GDF9: variants seen among roughly 807,000 people sequenced by gnomAD.
GDF9 encodes growth/differentiation factor 9.
A neutral mutation model predicts 33.8 loss-of-function variants in GDF9; 30 were observed. The observed-to-expected ratio is 0.89, with a 90% CI of 0.66 to 1.20. The LOEUF is 1.20. GDF9 is among the 50% of genes most tolerant of loss of function. GDF9 has a pLI of 0.00. For synonymous variants in GDF9, 205 were observed against 200.7 expected, an observed-to-expected ratio of 1.02 and a Z score of -0.18; for missense variants, 556 against 543.7, an observed-to-expected ratio of 1.02 and a Z score of -0.22.
Position 132,861,921 on chromosome 5 carries a change from G to A in GDF9, c.1033C>T (p.Gln345Ter). 6.2e-7 allele frequency: 1 copy of A among 1,613,756 alleles called. No individual in the cohort carries two copies. Among genetic ancestry groups the A allele is most frequent in the Non-Finnish European group, 8.5e-7 (1 of 1,179,622 alleles). Residue 345 changes from glutamine to a stop codon, truncating the protein, a stop_gained, in exon 2 of 2, where the codon CAA becomes TAA. Transcript: ENST00000687138. LOFTEE classifies it high-confidence loss of function. Reference protein sequence around the residue: ...ASFNLSEYFRQFLLPQNECEL... With the variant: ...ASFNLSEYFR Reference sequence around the variant, plus strand: ...CACTCATTTTGGGGAAGAAGAAATTGTCTGAAGTATTCACTCAGATTGAAG... The same window carrying A: ...CACTCATTTTGGGGAAGAAGAAATTATCTGAAGTATTCACTCAGATTGAAG...
chr5:132,863,485 G>T (rs1030242220), intron 1 of GDF9, among the ~76,000 whole-genome samples: 4 of 151,510 alleles, frequency 2.6e-5, no homozygotes, highest in Non-Finnish European at 1.5e-5. Context: ...CTGTTGCCGG[G>T]CTGGAGAGCA....
chr5:132,864,429 A>G lies in GDF9; in HGVS notation c.105T>C (p.Ala35=), dbSNP rs1335654628. ...CCCCAGATTCCAACTCAGCACTAGC[A>G]GCAATCTGAGCTTCTCCCCCAGAAG... is the stretch of plus-strand genomic sequence containing the variant. The part of the protein sequence containing the change: ...SQASGGEAQI[A]ASAELESGAM... The change falls in exon 1 of 2, where the codon GCT becomes GCC. Residue 35 remains alanine, a synonymous_variant. Transcript: ENST00000687138. The G allele has an allele frequency of 6.2e-7, 1 of 1,613,908 alleles. No individual in the cohort carries two copies. The highest frequency in any genetic ancestry group is 8.5e-7 in the Non-Finnish European group (1 of 1,179,900).
chr5:132,863,847 G>C (rs1018513304), intron 1 of GDF9, among the ~76,000 whole-genome samples: 3 of 152,180 alleles, frequency 2.0e-5, no homozygotes, highest in African/African-American at 7.2e-5. Flanking sequence ...CAAAAGCTTG[G>C]TGGAACAGAA....
Position 132,866,435 on chromosome 5 carries a change from G to A in GDF9, c.-1902C>T, listed in dbSNP as rs1759607938. ...CTCCGCCTGTCCACTGTCCCCCAAA[G>A]TCAGTTCAATCCCCGACGTCCTCCG... is the stretch of plus-strand genomic sequence containing the variant. On this transcript the variant is annotated 5_prime_UTR_variant, in exon 1 of 2. Transcript: ENST00000687138. 1 of 213,648 alleles carries A rather than the reference G, an allele frequency of 4.7e-6. No individual in the cohort carries two copies. The highest frequency in any genetic ancestry group is 9.7e-6 in the Non-Finnish European group (1 of 103,354). The allele number at this position is 213,648 out of a possible 1,614,324, so 13.2% of individuals were successfully genotyped here.
chr5:132,862,164 T>C lies in GDF9; in HGVS notation c.790A>G (p.Ile264Val), dbSNP rs1478248649. The change falls in exon 2 of 2, where the codon ATC becomes GTC. Residue 264 changes from isoleucine (I) to valine (V), a missense_variant. Ile to Val is a conservative substitution (Grantham distance 29). Coordinates refer to ENST00000687138, the MANE Select transcript of GDF9 (RefSeq NM_005260.7). ...FNMTLVSPSL[I>V]LYLNDTSAQA... is the part of the protein sequence containing the mutation. Reference sequence around the variant, plus strand: ...GCACTTGTGTCATTCAAATATAAGATCAGTGAGGGGGACACCAGAGTCATG... The same window carrying C: ...GCACTTGTGTCATTCAAATATAAGACCAGTGAGGGGGACACCAGAGTCATG... 1 of 1,613,172 alleles carries C rather than the reference T, an allele frequency of 6.2e-7. No individual in the cohort carries two copies. Among genetic ancestry groups the C allele is most frequent in the East Asian group, 2.2e-5 (1 of 44,888 alleles).
At position 132,864,726 on chromosome 5, in the gene GDF9, T is replaced by G. The variant is rs778611566; in HGVS notation, c.-193A>C. On this transcript the variant is annotated 5_prime_UTR_variant, in exon 1 of 2. Transcript: ENST00000687138. ...ATATCAAGCAGCTGATAACACCTTA[T>G]TTAGCCAATTTGTTAATTAGATACA... 2 of 589,128 alleles carry G rather than the reference T, an allele frequency of 3.4e-6. No individual in the cohort carries two copies. Among genetic ancestry groups the G allele is most frequent in the Non-Finnish European group, 6.0e-6 (2 of 333,668 alleles). 36.5% of individuals were successfully genotyped at this position (589,128 alleles called of 1,614,324 possible).
At chr5:132,862,620 C>A in intron 1 of GDF9, 64 bp from the exon 2 acceptor site, 1 of 1,237,432 alleles carries the variant, frequency 8.1e-7, no homozygotes, top group South Asian at 1.2e-5. Context: ...GCAGTCAAGT[C>A]AAAGAATTAG....
chr5:132,862,689 A>T (rs1759352843), intron 1 of GDF9, 133 bp from the exon 2 acceptor site: 1 of 694,940 alleles, frequency 1.4e-6, no homozygotes. Context: ...CTCAAAAAAA[A>T]AAATGGGGGT....
At position 132,864,346 on chromosome 5, in the gene GDF9, G is replaced by T. The variant is rs754079138; in HGVS notation, c.188C>A (p.Pro63His). 1 of 1,614,084 alleles carries T rather than the reference G, an allele frequency of 6.2e-7. No homozygotes were observed. Among genetic ancestry groups the T allele is most frequent in the African/African-American group, 1.3e-5 (1 of 74,918 alleles). The stretch of plus-strand genomic sequence containing the variant: ...AACAGATAGAACTTTGAAAAGCGCG[G>T]GAAGGAGGCCAGCTCTGTCTCTCTC... ...IDERDRAGLLPALFKVLSVGR... is the reference protein window; with the variant it reads ...IDERDRAGLLHALFKVLSVGR... Residue 63 changes from proline to histidine, a missense_variant, in exon 1 of 2, where the codon CCC (proline) becomes CAC (histidine). By Grantham distance (77) the Pro-to-His change is moderately conservative. Coordinates refer to ENST00000687138, the MANE Select transcript of GDF9 (RefSeq NM_005260.7).
At chr5:132,862,651 C>G in intron 1 of GDF9, 95 bp from the exon 2 acceptor site, 1 of 928,356 alleles carries the variant, frequency 1.1e-6, no homozygotes, top group Non-Finnish European at 1.7e-6. Context: ...TATGCTTTCT[C>G]CCTTCTCTTT....
chr5:132,863,499 G>A (rs1273919708), intron 1 of GDF9, among the ~76,000 whole-genome samples: 3 of 151,368 alleles, frequency 2.0e-5, no homozygotes, highest in Admixed American at 2.0e-4. Flanking sequence ...GAGAGCAGTG[G>A]TGCGATCTTG....
chr5:132,866,397 G>A lies in GDF9; in HGVS notation c.-1864C>T, dbSNP rs763885629. Reference sequence around the variant, plus strand: ...CCACAGAAAAGCCGAGGGCTGAGGAGAAGTGTGAGCGCCTCCGCCTGTCCA... The same window carrying A: ...CCACAGAAAAGCCGAGGGCTGAGGAAAAGTGTGAGCGCCTCCGCCTGTCCA... On this transcript the variant is annotated 5_prime_UTR_variant, in exon 1 of 2. Transcript: ENST00000687138. 88 of 166,750 alleles carry A rather than the reference G, an allele frequency of 5.3e-4. No individual in the cohort carries two copies. The highest frequency in any genetic ancestry group is 7.7e-4 in the Non-Finnish European group (59 of 76,210). The allele number at this position is 166,750 out of a possible 1,614,324, so 10.3% of individuals were successfully genotyped here. A position where few individuals can be genotyped will look rare whatever the true frequency, so the allele number is the denominator to read the frequency against.
At chr5:132,866,574 G>GA (rs1373469495), upstream of GDF9, 7 of 472,276 alleles carry the variant, frequency 1.5e-5, no homozygotes, top group East Asian at 1.7e-4. Flanking sequence ...GAGACAGTAG[G>GA]AAAATGGTAT....
intron 1 of GDF9, among the ~76,000 whole-genome samples, chr5:132,863,442 CT>C (rs5871466): frequency 0.2 from 28,862 of 142,112 alleles, 3,435 homozygotes; most frequent in African/African-American, 0.37. Flanking sequence ...TAGATATATA[CT>C]TTTTTTTTTT....
Position 132,862,020 on chromosome 5 carries a change from A to C in GDF9, c.934T>G (p.Ser312Ala), listed in dbSNP as rs767125519. Residue 312 changes from serine to alanine, a missense_variant, in exon 2 of 2, where the codon TCT becomes GCT. Coordinates refer to ENST00000687138, the MANE Select transcript of GDF9 (RefSeq NM_005260.7). Reference protein sequence around the residue: ...VGEEAAEDGRSSHHRHRRGQE... With the variant: ...VGEEAAEDGRASHHRHRRGQE... ...CCTCTGCGGTGACGGTGATGGGAAG[A>C]TCTCCCATCCTCAGCAGCCTCTTCT... is the stretch of plus-strand genomic sequence containing the variant. 1 of 1,612,912 alleles carries C rather than the reference A, an allele frequency of 6.2e-7. No homozygotes were observed. Among genetic ancestry groups the C allele is most frequent in the South Asian group, 1.1e-5 (1 of 91,056 alleles).
Position 132,862,337 on chromosome 5 carries a change from C to G in GDF9, c.617G>C (p.Gly206Ala). The G allele has an allele frequency of 6.2e-7, 1 of 1,614,090 alleles. No homozygotes were observed. The highest frequency in any genetic ancestry group is 8.5e-7 in the Non-Finnish European group (1 of 1,180,010). Residue 206 changes from glycine (G) to alanine (A), a missense_variant, in exon 2 of 2, where the codon GGA becomes GCA. Transcript: ENST00000687138. ...AATCTGAATCCATTTGTGTTTCTTT[C>G]CAAATTCAAACTGTGAGTTAAAGGT... ...SFTFNSQFEF[G>A]KKHKWIQIDV...
In GDF9 at chr5:132,864,524, G is replaced by A; in HGVS notation, c.10C>T (p.Pro4Ser). 6.2e-7 allele frequency: 1 copy of A among 1,607,218 alleles called. No individual in the cohort carries two copies. The highest frequency in any genetic ancestry group is 8.5e-7 in the Non-Finnish European group (1 of 1,179,964). Reference protein sequence around the residue: MARPNKFLLWFCCF... With the variant: MARSNKFLLWFCCF... ...CAAAACCAAAGGAGGAATTTGTTGG[G>A]ACGTGCCATGGCTTGGGAGAACTAG... is the stretch of plus-strand genomic sequence containing the variant. The change falls in exon 1 of 2, where the codon CCC becomes TCC. Residue 4 changes from proline (P) to serine (S), a missense_variant. Pro to Ser is a moderately conservative substitution (Grantham distance 74). Transcript: ENST00000687138.
intron 1 of GDF9, 63 bp downstream of exon 1, chr5:132,864,074 A>T (rs1372572114): frequency 6.6e-7 from 1 of 1,516,416 alleles, no homozygotes; most frequent in East Asian, 2.3e-5. Context: ...CCTTTCTGTA[A>T]TTGAAATGCA....
At chr5:132,866,598 C>T, upstream of GDF9, 1 of 534,250 alleles carries the variant, frequency 1.9e-6, no homozygotes, top group East Asian at 3.3e-5. Flanking sequence ...CCGGAAGTTA[C>T]CTCACGACCT....
Sources: gnomAD v4.1 joint callset for allele counts (sites outside exome capture counted in the v4.1 genomes callset) on GRCh38, gnomAD v4.1.1 for gene constraint, MANE v1.5 for transcripts, NCBI Gene and HGNC (gene_info 2026-07-23, HGNC 2026-07-21) for gene names.